KATNIP: variants seen among roughly 807,000 people sequenced by gnomAD.
KATNIP encodes the protein katanin interacting protein.
A neutral mutation model predicts 174.0 loss-of-function variants in KATNIP; 126 were observed. The ratio of observed to expected loss-of-function variants is 0.72; its 90% CI spans 0.63 to 0.84. KATNIP has a LOEUF of 0.84. Among genes scored for constraint, KATNIP ranks in the 40% least tolerant of loss-of-function variants. KATNIP has a pLI of 0.00. For missense variants in KATNIP, 1,958 were observed against 2,109.7 expected (o/e 0.93, Z 1.41); for synonymous variants, 810 against 835.7 (o/e 0.97, Z 0.53).
chr16:27,567,872 G>A (rs762048437), intron 1 of KATNIP, among the ~76,000 whole-genome samples: 5 of 152,182 alleles, frequency 3.3e-5, no homozygotes, highest in Non-Finnish European at 5.9e-5. Flanking sequence ...GCTAAGGTGG[G>A]AGGATCGTTT....
chr16:27,719,372 T>A (rs1036175264), intron 13 of KATNIP, among the ~76,000 whole-genome samples: 7 of 152,062 alleles, frequency 4.6e-5, no homozygotes, highest in Non-Finnish European at 7.4e-5. Context: ...ATCTCCCCCC[T>A]CCACCACCAC....
chr16:27,738,820 G>A (rs2080996105), intron 14 of KATNIP, among the ~76,000 whole-genome samples: 1 of 152,208 alleles, frequency 6.6e-6, no homozygotes. Context: ...GTCCCCGCAT[G>A]TGGACAGTGC....
At chr16:27,593,291 C>T (rs533648852) in intron 2 of KATNIP, among the ~76,000 whole-genome samples, 61 of 136,294 alleles carry the variant, frequency 4.5e-4, no homozygotes, top group South Asian at 9.1e-4. Flanking sequence ...CAGGCTGGAG[C>T]GCAATGGCGC....
chr16:27,684,721 C>G (rs542155507), intron 8 of KATNIP, among the ~76,000 whole-genome samples: 4 of 152,320 alleles, frequency 2.6e-5, no homozygotes, highest in African/African-American at 9.6e-5. Context: ...AGGCCTCTCT[C>G]CTAACTTCTG....
chr16:27,696,792 G>C (rs2078927688), intron 8 of KATNIP, among the ~76,000 whole-genome samples: 1 of 150,748 alleles, frequency 6.6e-6, no homozygotes. Flanking sequence ...GCAATGGTGC[G>C]ATCTCGGCTC....
chr16:27,599,890 T>C lies in KATNIP; in HGVS notation c.64-18535T>C, dbSNP rs371459877. 2.3e-4 allele frequency among the ~76,000 whole-genome samples: 35 copies of C among 152,342 alleles called. 1 individual carries two copies. The highest frequency in any genetic ancestry group is 6.5e-4 in the Admixed American group (10 of 15,300). ...CCTTGTCCCTTCTGCTCTGTGCTCA[T>C]GTGCGTCTGCTGCCTTAGCACGCCT... is the stretch of plus-strand genomic sequence containing the variant. On this transcript the variant is annotated intron_variant, in intron 2 of 27. Coordinates refer to ENST00000261588, the MANE Select transcript of KATNIP (RefSeq NM_015202.5).
At chr16:27,746,220 C>T (rs1260501285) in intron 15 of KATNIP, among the ~76,000 whole-genome samples, 1 of 152,124 alleles carries the variant, frequency 6.6e-6, no homozygotes, top group East Asian at 1.9e-4. Context: ...TCCCTGCCTG[C>T]CTCGCACACT....
intron 15 of KATNIP, among the ~76,000 whole-genome samples, chr16:27,744,842 G>C (rs368238885): frequency 7.2e-5 from 11 of 151,876 alleles, no homozygotes; most frequent in African/African-American, 2.4e-4. Flanking sequence ...TTGAGCTCGG[G>C]AGGTGGAGGT....
At chr16:27,629,184 A>T (rs926608492) in intron 4 of KATNIP, among the ~76,000 whole-genome samples, 3 of 151,314 alleles carry the variant, frequency 2.0e-5, no homozygotes, top group Admixed American at 6.6e-5. Context: ...AAAAAAAAAA[A>T]TAGGGATTAT....
chr16:27,727,170 C>A, intron 14 of KATNIP: 1 of 184,572 alleles, frequency 5.4e-6, no homozygotes, highest in Admixed American at 5.4e-5. Context: ...GTGATGTGAT[C>A]TGATGGAGGA....
In KATNIP at chr16:27,648,640, C is replaced by T. The variant is rs1567250499; in HGVS notation, c.445C>T (p.Leu149Phe). 3 of 1,614,218 alleles carry T rather than the reference C, an allele frequency of 1.9e-6. No homozygotes were observed. The highest frequency in any genetic ancestry group is 2.7e-5 in the African/African-American group (2 of 75,054). ...VQIRTEAGPR[L>F]HIEPPVDYSD... is the part of the protein sequence containing the mutation. ...GATCAGAACAGAAGCTGGCCCACGG[C>T]TCCACATCGAACCTCCTGTGGACTA... Residue 149 changes from leucine to phenylalanine, a missense_variant, in exon 6 of 28, where the codon CTC becomes TTC. This residue lies in a region of KATNIP where 1,557 missense variants were observed against 1,617.8 expected (regional missense o/e 0.96). Coordinates refer to ENST00000261588, the MANE Select transcript of KATNIP (RefSeq NM_015202.5).
intron 1 of KATNIP, among the ~76,000 whole-genome samples, chr16:27,560,304 A>C (rs1434831883): frequency 6.6e-6 from 1 of 151,592 alleles, no homozygotes; most frequent in Non-Finnish European, 1.5e-5. Flanking sequence ...AAAAAAAAAA[A>C]AGGTAATTTC....
chr16:27,635,508 T>G (rs964641666), intron 5 of KATNIP, among the ~76,000 whole-genome samples: 4 of 151,888 alleles, frequency 2.6e-5, no homozygotes, highest in Non-Finnish European at 2.9e-5. Context: ...AAGTGGTGAA[T>G]GAACTACATG....
rs148132134 is a variant in KATNIP at position 27,740,830 on chromosome 16, C to T, written c.2533C>T (p.Pro845Ser). 704 of 1,613,704 alleles carry T rather than the reference C, an allele frequency of 4.4e-4. 1 individual carries two copies. Among genetic ancestry groups the T allele is most frequent in the Non-Finnish European group, 5.8e-4 (682 of 1,179,800 alleles). The change falls in exon 15 of 28, where the codon CCC becomes TCC. Residue 845 changes from proline (P) to serine (S), a missense_variant. Coordinates refer to ENST00000261588, the MANE Select transcript of KATNIP (RefSeq NM_015202.5). ...TGACTCAGACATCTTTAACCAGCCC[C>T]CCAACAGAGAGCGCCCTGCTAGTGG... ...SDDSDIFNQPPNRERPASGRR... is the reference protein window; with the variant it reads ...SDDSDIFNQPSNRERPASGRR...
At chr16:27,649,200 G>A (rs568959804) in intron 6 of KATNIP, among the ~76,000 whole-genome samples, 13 of 152,314 alleles carry the variant, frequency 8.5e-5, no homozygotes, top group African/African-American at 2.6e-4. Context: ...TAAATATTTC[G>A]AATACCACCC....
chr16:27,610,339 G>T (rs2075854713), intron 2 of KATNIP, among the ~76,000 whole-genome samples: 1 of 152,182 alleles, frequency 6.6e-6, no homozygotes, highest in African/African-American at 2.4e-5. Context: ...CGGGTTAGAT[G>T]TGGGATGGGA....
chr16:27,678,558 T>TA (rs2078209559), intron 7 of KATNIP, among the ~76,000 whole-genome samples: 1 of 152,144 alleles, frequency 6.6e-6, no homozygotes, highest in South Asian at 2.1e-4. Flanking sequence ...GAATTGCCTT[T>TA]AAATAAGACA....
intron 20 of KATNIP, among the ~76,000 whole-genome samples, chr16:27,768,545 G>A (rs925363285): frequency 9.2e-5 from 14 of 152,190 alleles, no homozygotes; most frequent in Non-Finnish European, 1.9e-4. Flanking sequence ...AAGCCCAGCA[G>A]AAGAGAAAGC....
chr16:27,578,581 C>T (rs1333970110), intron 2 of KATNIP, among the ~76,000 whole-genome samples: 3 of 152,044 alleles, frequency 2.0e-5, no homozygotes, highest in Non-Finnish European at 4.4e-5. Context: ...AGGTTACGGT[C>T]ATTTCTTTTT....
Sources: allele counts gnomAD v4.1 joint callset (sites outside exome capture counted in the v4.1 genomes callset), GRCh38; gene constraint gnomAD v4.1.1; regional missense constraint gnomAD v4.1.1; transcripts MANE v1.5; gene names NCBI Gene and HGNC (gene_info 2026-07-23, HGNC 2026-07-21).